Variants in ACOT9 observed in about 807,000 individuals in gnomAD.
ACOT9 encodes the protein acyl-coenzyme A thioesterase 9, mitochondrial.
ACOT9 carries 34 observed loss-of-function variants against 39.7 expected under a neutral mutation model. That is an observed-to-expected ratio of 0.86 (90% confidence interval 0.65 to 1.14). The LOEUF is 1.14. Among genes scored for constraint, ACOT9 ranks in the 50% most tolerant of loss-of-function variants. ACOT9 has a pLI of 0.00. For missense variants in ACOT9, 313 were observed against 344.1 expected, an observed-to-expected ratio of 0.91 and a Z score of 0.71; for synonymous variants, 110 against 120.5, an observed-to-expected ratio of 0.91 and a Z score of 0.57.
At chrX:23,734,817 C>G (rs1171977135) in intron 2 of ACOT9, among the ~76,000 whole-genome samples, 2 of 108,227 alleles carry the variant, frequency 1.8e-5, no homozygotes, top group Non-Finnish European at 3.8e-5. Context: ...GAAACCCCGT[C>G]TCTACTAAAA....
chrX:23,724,297 C>A (rs746134748), intron 6 of ACOT9, among the ~76,000 whole-genome samples: 2 of 111,290 alleles, frequency 1.8e-5, no homozygotes, highest in African/African-American at 6.5e-5. Flanking sequence ...AAAGAATGGG[C>A]CATTTTCAAT....
Position 23,735,986 on chromosome X carries a change from A to G in ACOT9, c.51T>C (p.Thr17=). 8.3e-7 allele frequency: 1 copy of G among 1,210,553 alleles called. No homozygotes were observed. Among genetic ancestry groups the G allele is most frequent in the Non-Finnish European group, 1.1e-6 (1 of 894,965 alleles). ...RLCALGKGQL[T]PGRGLTQGPQ... is the part of the protein sequence containing the mutation. ...GTCCTTGAGTCAGTCCTCTTCCAGG[A>G]GTAAGCTGCCCTTTGCCCAAGGCAC... Residue 17 remains threonine, a synonymous_variant, in exon 2 of 16, where the codon ACT becomes ACC. Transcript: ENST00000379303.
At chrX:23,735,850 A>G in intron 2 of ACOT9, 69 bp downstream of exon 2, 1 of 977,689 alleles carries the variant, frequency 1.0e-6, no homozygotes, top group Non-Finnish European at 1.4e-6. Flanking sequence ...ATCACTCTAT[A>G]TACCTTTCAA....
chrX:23,709,750 C>T (rs761695895), intron 9 of ACOT9, among the ~76,000 whole-genome samples: 3 of 112,045 alleles, frequency 2.7e-5, no homozygotes, highest in Admixed American at 9.5e-5. Context: ...CCCACCCCAG[C>T]TCTACCCCCA....
chrX:23,736,752 G>C (rs748790464), intron 1 of ACOT9, among the ~76,000 whole-genome samples: 17 of 111,040 alleles, frequency 1.5e-4, no homozygotes, highest in South Asian at 3.8e-4. Flanking sequence ...CCAGGAGGTC[G>C]AGGCTGCAGT....
intron 7 of ACOT9, 142 bp from the exon 8 acceptor site, chrX:23,722,126 G>A (rs1929339989): frequency 2.5e-6 from 1 of 404,306 alleles, no homozygotes; most frequent in East Asian, 4.2e-5. Context: ...ACACGCAGAA[G>A]AAATCTACAT....
chrX:23,719,529 CAGTTTT>C (rs1929215076), intron 8 of ACOT9, among the ~76,000 whole-genome samples: 1 of 83,431 alleles, frequency 1.2e-5, no homozygotes, highest in African/African-American at 4.7e-5. Flanking sequence ...CACCAGGGAC[CAGTTTT>C]GTGGTATACA....
rs867081443 is a variant in ACOT9, at chrX:23,720,122, C to T, written c.588+1759G>A. Reference sequence around the variant, plus strand: ...TGCTGGGATTACAGGCGTGAGCCACCGCGCCCAGCCAGTCATTCTTAAATA... The same window carrying T: ...TGCTGGGATTACAGGCGTGAGCCACTGCGCCCAGCCAGTCATTCTTAAATA... On this transcript the variant is annotated intron_variant, in intron 8 of 15. Transcript: ENST00000379303. Among the ~76,000 whole-genome samples, 20 of 113,040 alleles carry T rather than the reference C, an allele frequency of 1.8e-4. No homozygotes were observed. In the South Asian group the frequency reaches 2.5e-3, roughly 14 times the overall value.
intron 1 of ACOT9, among the ~76,000 whole-genome samples, chrX:23,736,498 A>C (rs186770849): frequency 4.3e-3 from 484 of 112,219 alleles, no homozygotes; most frequent in African/African-American, 0.015. Flanking sequence ...CTTACGCAGA[A>C]ATTTTCTAGA....
chrX:23,719,679 T>C (rs1366072496), intron 8 of ACOT9, among the ~76,000 whole-genome samples: 1 of 111,132 alleles, frequency 9.0e-6, no homozygotes, highest in Non-Finnish European at 1.9e-5. Context: ...CACGATAGGG[T>C]TCGTGCTCCT....
At chrX:23,721,435 T>C (rs1289083809) in intron 8 of ACOT9, among the ~76,000 whole-genome samples, 1 of 104,586 alleles carries the variant, frequency 9.6e-6, no homozygotes, top group Non-Finnish European at 1.9e-5. Flanking sequence ...TACTGTATTG[T>C]GTTTTATTTA....
chrX:23,735,772 C>G (rs1256775352), intron 2 of ACOT9, 147 bp downstream of exon 2: 1 of 446,177 alleles, frequency 2.2e-6, no homozygotes, highest in Non-Finnish European at 3.8e-6. Context: ...ATGCAGCTAT[C>G]CTGGTCATTT....
Position 23,705,084 on chromosome X carries a change from T to C in ACOT9, c.1020-4A>G. 1.7e-6 allele frequency: 2 copies of C among 1,207,126 alleles called. No homozygotes were observed. The highest frequency in any genetic ancestry group is 2.2e-6 in the Non-Finnish European group (2 of 892,846). ...TACCACAAACGGTCGAGAACCACTG[T>C]TGGGGGAAAGGACAGAATTTGGGGT... On this transcript the variant is annotated splice_polypyrimidine_tract_variant and splice_region_variant and intron_variant, in intron 13 of 15. Coordinates refer to ENST00000379303, the MANE Select transcript of ACOT9 (RefSeq NM_001037171.2).
intron 8 of ACOT9, among the ~76,000 whole-genome samples, chrX:23,719,057 T>C (rs1929195568): frequency 9.1e-6 from 1 of 109,921 alleles, no homozygotes; most frequent in Admixed American, 9.8e-5. Context: ...ATGGCTTGAG[T>C]CCAAGAGTTC....
At chrX:23,719,495 T>G (rs1255985237) in intron 8 of ACOT9, among the ~76,000 whole-genome samples, 1 of 104,418 alleles carries the variant, frequency 9.6e-6, no homozygotes, top group Non-Finnish European at 2.0e-5. Flanking sequence ...ATAGGTCTAC[T>G]GCAGTGGCCC....
At chrX:23,721,502 T>C (rs1929317801) in intron 8 of ACOT9, among the ~76,000 whole-genome samples, 1 of 111,866 alleles carries the variant, frequency 8.9e-6, no homozygotes, top group Non-Finnish European at 1.9e-5. Context: ...GTTGAATCTG[T>C]GGATGTGAAA....
rs1338300052 is a variant in ACOT9 at position 23,735,957 on chromosome X, T to C, written c.80A>G (p.Gln27Arg). The C allele has an allele frequency of 8.3e-7, 1 of 1,211,332 alleles. No homozygotes were observed. The highest frequency in any genetic ancestry group is 1.1e-6 in the Non-Finnish European group (1 of 895,274). Reference sequence around the variant, plus strand: ...GAAGATTCCCTGTTTCTTGGGGTTCTGGGGTCCTTGAGTCAGTCCTCTTCC... The same window carrying C: ...GAAGATTCCCTGTTTCTTGGGGTTCCGGGGTCCTTGAGTCAGTCCTCTTCC... ...TPGRGLTQGP[Q>R]NPKKQGIFHI... is the part of the protein sequence containing the mutation. The change falls in exon 2 of 16, where the codon CAG (glutamine) becomes CGG (arginine). Residue 27 changes from glutamine (Q) to arginine (R), a missense_variant. By Grantham distance (43) the Gln-to-Arg change is conservative. Transcript: ENST00000379303.
At position 23,704,858 on chromosome X, in the gene ACOT9, G is replaced by A. The variant is rs1158574523; in HGVS notation, c.1108-14C>T. On this transcript the variant is annotated splice_polypyrimidine_tract_variant and intron_variant, in intron 14 of 15. Coordinates refer to ENST00000379303, the MANE Select transcript of ACOT9 (RefSeq NM_001037171.2). ...AGTAAAGCATACCTAACAGATTATA[G>A]ACACTATAATCAGTCAACTGCATTA... The A allele has an allele frequency of 8.3e-7, 1 of 1,201,357 alleles. No individual in the cohort carries two copies. Among genetic ancestry groups the A allele is most frequent in the African/African-American group, 1.8e-5 (1 of 56,883 alleles).
chrX:23,706,002 C>A, intron 11 of ACOT9, 144 bp from the exon 12 acceptor site: 4 of 485,404 alleles, frequency 8.2e-6, no homozygotes, highest in South Asian at 3.3e-5. Flanking sequence ...CGGTGGCTCA[C>A]GCCTGTAATC....
Sources: allele counts gnomAD v4.1 joint callset (sites outside exome capture counted in the v4.1 genomes callset), GRCh38; gene constraint gnomAD v4.1.1; transcripts MANE v1.5; gene names NCBI Gene and HGNC (gene_info 2026-07-23, HGNC 2026-07-21).